PAM: variants seen among roughly 807,000 people sequenced by gnomAD.
PAM encodes peptidylglycine alpha-amidating monooxygenase.
Under a neutral mutation model 122.1 loss-of-function variants are expected in PAM, and 72 were observed. The observed-to-expected ratio is 0.59, with a 90% CI of 0.49 to 0.72. PAM has a LOEUF of 0.72. Among genes scored for constraint, PAM ranks in the 30% least tolerant of loss-of-function variants. PAM has a pLI of 0.00. For missense variants in PAM, 1,106 were observed against 1,183.7 expected (o/e 0.93, Z 0.96); for synonymous variants, 389 against 404.4 (o/e 0.96, Z 0.46).
intron 4 of PAM, among the ~76,000 whole-genome samples, chr5:102,910,391 C>T (rs965538469): frequency 6.6e-6 from 1 of 151,904 alleles, no homozygotes; most frequent in Non-Finnish European, 1.5e-5. Context: ...CCTCCAACCT[C>T]TGTGCTTTCA....
rs1795448565 is a variant in PAM, at chr5:102,893,943, GT to G, written c.211-7412del. Among the ~76,000 whole-genome samples, 4 of 151,714 alleles carry G rather than the reference GT, an allele frequency of 2.6e-5. No individual in the cohort carries two copies. The East Asian group carries it at 7.8e-4, about 30-fold the overall frequency. On this transcript the variant is annotated intron_variant, in intron 3 of 25. Coordinates refer to ENST00000438793, the MANE Select transcript of PAM (RefSeq NM_001177306.2). ...TGTTGTCTCAAGCTCTTCGGTTTTT[GT>G]CGCTGTTTTTATTGTTTGTTTTTCC...
At chr5:102,778,359 A>G (rs1260390062) in intron 1 of PAM, among the ~76,000 whole-genome samples, 1 of 152,182 alleles carries the variant, frequency 6.6e-6, no homozygotes, top group African/African-American at 2.4e-5. Context: ...AGAGCATTCT[A>G]TATAGTATTT....
chr5:102,852,181 G>A (rs1466241785), intron 1 of PAM, among the ~76,000 whole-genome samples: 1 of 152,076 alleles, frequency 6.6e-6, no homozygotes, highest in Non-Finnish European at 1.5e-5. Flanking sequence ...ATACATCCTT[G>A]AAAATCATGT....
intron 1 of PAM, among the ~76,000 whole-genome samples, chr5:102,848,354 G>A (rs1186045921): frequency 6.6e-6 from 1 of 152,184 alleles, no homozygotes. Flanking sequence ...CACGGCAAAG[G>A]CAACAAAGAT....
intron 3 of PAM, among the ~76,000 whole-genome samples, chr5:102,898,190 G>A (rs115044320): frequency 0.015 from 2,303 of 151,556 alleles, 33 homozygotes; most frequent in African/African-American, 0.031. Context: ...ATTCAGATTC[G>A]GCTGATGTGC....
chr5:102,772,563 A>G (rs900957165), intron 1 of PAM, among the ~76,000 whole-genome samples: 10 of 152,156 alleles, frequency 6.6e-5, no homozygotes, highest in African/African-American at 2.4e-4. Context: ...TAAACTATAC[A>G]GGCCCCTTTC....
intron 1 of PAM, among the ~76,000 whole-genome samples, chr5:102,859,592 A>AATAATTTAT: frequency 6.6e-6 from 1 of 152,136 alleles, no homozygotes; most frequent in Admixed American, 6.5e-5. Context: ...TTATTGAAGA[A>AATAATTTAT]TATTTTTAAA....
rs146360399 is a variant in PAM at position 103,014,911 on chromosome 5, G to A, written c.2332-2423G>A. The stretch of plus-strand genomic sequence containing the variant: ...TTATCTGCTTTTATACACACCCTTC[G>A]GACAGGCATATTTTTTGTCGTCTTC... On this transcript the variant is annotated intron_variant, in intron 21 of 25. Coordinates refer to ENST00000438793, the MANE Select transcript of PAM (RefSeq NM_001177306.2). 9.8e-4 allele frequency among the ~76,000 whole-genome samples: 149 copies of A among 152,096 alleles called. 1 individual carries two copies. The highest frequency in any genetic ancestry group is 3.4e-3 in the African/African-American group (140 of 41,486).
At chr5:102,907,920 GT>G (rs1190855665) in intron 4 of PAM, among the ~76,000 whole-genome samples, 3 of 151,658 alleles carry the variant, frequency 2.0e-5, no homozygotes, top group Non-Finnish European at 4.4e-5. Context: ...CATTTTGTAG[GT>G]TGCCTGTTCA....
At chr5:103,008,636 GC>G (rs545364131) in intron 20 of PAM, among the ~76,000 whole-genome samples, 258 of 152,190 alleles carry the variant, frequency 1.7e-3, no homozygotes, top group Non-Finnish European at 3.1e-3. Context: ...GGACCAAGCA[GC>G]CCCCCAAATT....
intron 5 of PAM, among the ~76,000 whole-genome samples, chr5:102,924,347 C>G (rs953795676): frequency 6.6e-6 from 1 of 150,540 alleles, no homozygotes; most frequent in Non-Finnish European, 1.5e-5. Context: ...GCAGGAGAAT[C>G]GCTTGAACCC....
chr5:102,810,783 G>A (rs1032849771), intron 1 of PAM, among the ~76,000 whole-genome samples: 1 of 152,050 alleles, frequency 6.6e-6, no homozygotes, highest in Non-Finnish European at 1.5e-5. Context: ...AGCCGAGATC[G>A]CGCCATTGCA....
chr5:103,002,540 G>T (rs922528681), intron 16 of PAM, among the ~76,000 whole-genome samples: 2 of 152,018 alleles, frequency 1.3e-5, no homozygotes, highest in African/African-American at 4.8e-5. Flanking sequence ...TATGCATGTT[G>T]TACCTAAAGT....
chr5:102,902,008 A>AGC (rs1257449052), intron 4 of PAM, among the ~76,000 whole-genome samples: 1 of 151,636 alleles, frequency 6.6e-6, no homozygotes, highest in African/African-American at 2.4e-5. Context: ...AAAGTGACAA[A>AGC]GCACCATCTG....
chr5:102,897,153 A>G (rs1395147308), intron 3 of PAM, among the ~76,000 whole-genome samples: 1 of 151,670 alleles, frequency 6.6e-6, no homozygotes, highest in African/African-American at 2.4e-5. Context: ...AGAACTACCA[A>G]CGCTCTTGAA....
Position 102,787,443 on chromosome 5 carries a change from G to A in PAM, c.-374+32095G>A, listed in dbSNP as rs184015641. On this transcript the variant is annotated intron_variant, in intron 1 of 25. Transcript: ENST00000438793. ...ATGGGGACAGATCTGTCCCAACTGT[G>A]GGGACAAAACTGCCTCCTTTAACAG... 2.6e-5 allele frequency among the ~76,000 whole-genome samples: 4 copies of A among 151,834 alleles called. 1 individual carries two copies. The highest frequency in any genetic ancestry group is 2.0e-4 in the Admixed American group (3 of 15,242).
intron 1 of PAM, among the ~76,000 whole-genome samples, chr5:102,790,322 A>C (rs183945658): frequency 6.6e-6 from 1 of 152,222 alleles, no homozygotes; most frequent in Admixed American, 6.5e-5. Flanking sequence ...ACTTTATCTG[A>C]GGATGGACAA....
chr5:102,985,726 C>A (rs1462717691), intron 15 of PAM, among the ~76,000 whole-genome samples: 1 of 152,072 alleles, frequency 6.6e-6, no homozygotes, highest in Admixed American at 6.6e-5. Context: ...AAAGGGAATT[C>A]TTCTTAATTT....
chr5:102,859,499 AT>A (rs1169321911), intron 1 of PAM, among the ~76,000 whole-genome samples: 1 of 152,160 alleles, frequency 6.6e-6, no homozygotes, highest in Non-Finnish European at 1.5e-5. Context: ...TTTAAGCTAA[AT>A]GTTATTGCAA....
Sources: allele counts gnomAD v4.1 joint callset (sites outside exome capture counted in the v4.1 genomes callset), GRCh38; gene constraint gnomAD v4.1.1; transcripts MANE v1.5; gene names NCBI Gene and HGNC (gene_info 2026-07-23, HGNC 2026-07-21).